The following ZXDC variants were observed in gnomAD, a reference collection of about 807,000 sequenced individuals.
ZXDC encodes the protein ZXD family zinc finger C, also known as zinc finger protein ZXDC.
Under a neutral mutation model 63.6 loss-of-function variants are expected in ZXDC, and 58 were observed. The ratio of observed to expected loss-of-function variants is 0.91; its 90% CI spans 0.74 to 1.13. The LOEUF (loss-of-function observed/expected upper bound fraction) is 1.13. Among genes scored for constraint, ZXDC ranks in the 50% most tolerant of loss-of-function variants. The probability of loss-of-function intolerance (pLI) is 0.00; values close to 1 mark genes in which losing one functional copy is unlikely to be tolerated. For synonymous variants in ZXDC, 561 were observed against 496.1 expected (o/e 1.13, Z -1.74); for missense variants, 1,133 against 1,148.9 (o/e 0.99, Z 0.20).
chr3:126,470,744 T>G, intron 4 of ZXDC, 151 bp downstream of exon 4: 1 of 1,096,158 alleles, frequency 9.1e-7, no homozygotes, highest in Non-Finnish European at 1.3e-6. Flanking sequence ...ATAGTACAAT[T>G]AACTCAATGA....
At chr3:126,451,066 A>T in intron 7 of ZXDC, 1 of 911,106 alleles carries the variant, frequency 1.1e-6, no homozygotes, top group Non-Finnish European at 1.3e-6. Flanking sequence ...TCACCACCTG[A>T]GTCCCTCAGG....
At position 126,462,246 on chromosome 3, in the gene ZXDC, G is replaced by C. The variant is rs752237919; in HGVS notation, c.1442-26C>G. 4 of 1,563,954 alleles carry C rather than the reference G, an allele frequency of 2.6e-6. No homozygotes were observed. In the South Asian group the frequency reaches 3.5e-5, roughly 14 times the overall value. On this transcript the variant is annotated intron_variant, in intron 5 of 9. Coordinates refer to ENST00000389709, the MANE Select transcript of ZXDC (RefSeq NM_025112.5). ...CTGAAAAAAAAAGGAATACACTCTGGTTACTTTATGACCTTGAAGACTGAG... is the reference window on the plus strand; with the variant it reads ...CTGAAAAAAAAAGGAATACACTCTGCTTACTTTATGACCTTGAAGACTGAG...
At chr3:126,440,608 G>T in intron 8 of ZXDC, 6 of 986,268 alleles carry the variant, frequency 6.1e-6, no homozygotes, top group Non-Finnish European at 7.2e-6. Context: ...AGCTGAGGCA[G>T]TGTTTCCTTG....
chr3:126,450,432 C>T (rs750175381), intron 7 of ZXDC: 27 of 456,600 alleles, frequency 5.9e-5, no homozygotes, highest in South Asian at 3.6e-4. Context: ...GGGGTGTACA[C>T]GGGGCCCACA....
chr3:126,457,484 C>A, intron 7 of ZXDC: 1 of 985,430 alleles, frequency 1.0e-6, no homozygotes. Flanking sequence ...AGCAGCCTCA[C>A]CCTCACGAGG....
In ZXDC at chr3:126,441,409, G is replaced by A. The variant is rs903160993; in HGVS notation, c.2394+356C>T. 1.0e-5 allele frequency: 11 copies of A among 1,069,496 alleles called. No individual in the cohort carries two copies. The Admixed American group carries it at 1.7e-4, about 17-fold the overall frequency. The allele number at this position is 1,069,496 out of a possible 1,614,324, so 66.3% of individuals were successfully genotyped here. On this transcript the variant is annotated intron_variant, in intron 8 of 9. Transcript: ENST00000389709. The stretch of plus-strand genomic sequence containing the variant: ...TTTGCCCCAGCCCTGCAGAAGAAGG[G>A]CAGGGTGGCCTCAAACAGATCTCAT...
intron 8 of ZXDC, chr3:126,441,549 CAG>C (rs1409053072): frequency 5.3e-6 from 7 of 1,316,192 alleles, no homozygotes; most frequent in Non-Finnish European, 6.8e-6. Context: ...CAGCAACACT[CAG>C]AGCTTGAGCA....
intron 4 of ZXDC, among the ~76,000 whole-genome samples, chr3:126,467,179 C>A (rs1222330422): frequency 6.6e-6 from 1 of 152,118 alleles, no homozygotes; most frequent in East Asian, 1.9e-4. Flanking sequence ...CTCGAGGTGA[C>A]TGGGCCACCC....
At chr3:126,451,144 T>C (rs1442423507) in intron 7 of ZXDC, 1 of 985,360 alleles carries the variant, frequency 1.0e-6, no homozygotes, top group Non-Finnish European at 1.2e-6. Flanking sequence ...TCCATCTTCA[T>C]GTTTTAATTA....
intron 1 of ZXDC, 66 bp downstream of exon 1, chr3:126,474,893 C>G: frequency 1.3e-6 from 2 of 1,485,294 alleles, no homozygotes; most frequent in South Asian, 2.7e-5. Context: ...CTCTGTGGGG[C>G]GGACGTGGCA....
chr3:126,455,797 A>G (rs1934281554), intron 7 of ZXDC, among the ~76,000 whole-genome samples: 1 of 152,072 alleles, frequency 6.6e-6, no homozygotes, highest in Non-Finnish European at 1.5e-5. Context: ...GGAGATGGAG[A>G]CCATCCTGGC....
intron 6 of ZXDC, chr3:126,460,372 A>G (rs535470801): frequency 2.7e-5 from 19 of 708,234 alleles, no homozygotes; most frequent in Non-Finnish European, 2.4e-5. Flanking sequence ...AGCTCGTAGC[A>G]TACCTGGGAC....
chr3:126,475,751 GGCGGCGCGCGGGGCTCGCGCCGA>G lies in ZXDC; in HGVS notation c.92_114del (p.Leu31ProfsTer9). Reference sequence around the variant, plus strand: ...TCAGGGCCCCGCACCAGTAGCAGGCGGCGGCGCGCGGGGCTCGCGCCGAGCGGCGCTGGGGCTCGGCGGAGCGG... The same window carrying G: ...TCAGGGCCCCGCACCAGTAGCAGGCGGCGGCGCTGGGGCTCGGCGGAGCGG... On this transcript the variant is annotated frameshift_variant, in exon 1 of 10. Transcript: ENST00000389709. LOFTEE classifies it high-confidence loss of function. The G allele has an allele frequency of 8.6e-7, 1 of 1,162,312 alleles. No homozygotes were observed. Among genetic ancestry groups the G allele is most frequent in the Non-Finnish European group, 1.1e-6 (1 of 945,200 alleles). 72.0% of individuals were successfully genotyped at this position (1,162,312 alleles called of 1,614,324 possible). A position where few individuals can be genotyped will look rare whatever the true frequency, so the allele number is the denominator to read the frequency against.
rs1398498254 is a variant in ZXDC, at chr3:126,475,889, A to G, written c.-24T>C. 5.6e-6 allele frequency: 6 copies of G among 1,072,862 alleles called. No homozygotes were observed. Among genetic ancestry groups the G allele is most frequent in the Non-Finnish European group, 5.6e-6 (5 of 887,056 alleles). 66.5% of individuals were successfully genotyped at this position (1,072,862 alleles called of 1,614,324 possible). On this transcript the variant is annotated 5_prime_UTR_variant, in exon 1 of 10. Coordinates refer to ENST00000389709, the MANE Select transcript of ZXDC (RefSeq NM_025112.5). ...ATCTTGGTCCCAGCGACGGCGTCGGAGCAGCTTCGGACGCAGAGCTGCCCG... is the reference window on the plus strand; with the variant it reads ...ATCTTGGTCCCAGCGACGGCGTCGGGGCAGCTTCGGACGCAGAGCTGCCCG...
In ZXDC at chr3:126,475,180, A is replaced by T; in HGVS notation, c.686T>A (p.Leu229Gln). The part of the protein sequence containing the change: ...FTTSYKLKRH[L>Q]QSHDKLRPFG... ...GGGCCGCAGCTTGTCGTGCGACTGCAGGTGCCGCTTGAGCTTGTAGGACGT... is the reference window on the plus strand; with the variant it reads ...GGGCCGCAGCTTGTCGTGCGACTGCTGGTGCCGCTTGAGCTTGTAGGACGT... Residue 229 changes from leucine to glutamine, a missense_variant, in exon 1 of 10, where the codon CTG (leucine) becomes CAG (glutamine). Transcript: ENST00000389709. 6.3e-7 allele frequency: 1 copy of T among 1,598,138 alleles called. No individual in the cohort carries two copies.
At chr3:126,472,381 C>A in intron 1 of ZXDC, 76 bp from the exon 2 acceptor site, 1 of 1,541,666 alleles carries the variant, frequency 6.5e-7, no homozygotes, top group Admixed American at 1.8e-5. Context: ...GTCACACCCA[C>A]CAGACCCTGT....
chr3:126,462,202 T>C lies in ZXDC; in HGVS notation c.1460A>G (p.Glu487Gly). 1 of 1,598,546 alleles carries C rather than the reference T, an allele frequency of 6.3e-7. No homozygotes were observed. The highest frequency in any genetic ancestry group is 1.3e-5 in the African/African-American group (1 of 74,538). Residue 487 changes from glutamate to glycine, a missense_variant, in exon 6 of 10, where the codon GAA becomes GGA. Transcript: ENST00000389709. ...SRRQDLLPQL[E>G]APSSLTPSSE... The stretch of plus-strand genomic sequence containing the variant: ...GCTGGGAGTAAGAGAACTCGGAGCT[T>C]CTAGCTGAGGTAAGAGATCTGAAAA...
At chr3:126,451,357 T>G in intron 7 of ZXDC, 1 of 985,396 alleles carries the variant, frequency 1.0e-6, no homozygotes. Context: ...GAGTGTACAG[T>G]TCTTCTGGAC....
chr3:126,448,520 G>A (rs1933968536), intron 7 of ZXDC, among the ~76,000 whole-genome samples: 1 of 152,160 alleles, frequency 6.6e-6, no homozygotes, highest in African/African-American at 2.4e-5. Flanking sequence ...AATCACAGAG[G>A]GGACCCTGCC....
Sources: gnomAD v4.1 joint callset for allele counts (sites outside exome capture counted in the v4.1 genomes callset) on GRCh38, gnomAD v4.1.1 for gene constraint, MANE v1.5 for transcripts, NCBI Gene and HGNC (gene_info 2026-07-23, HGNC 2026-07-21) for gene names.